TMPO: variants seen among roughly 807,000 people sequenced by gnomAD.
TMPO encodes thymopoietin.
A neutral mutation model predicts 45.4 loss-of-function variants in TMPO; 22 were observed. The observed-to-expected ratio is 0.48, with a 90% CI of 0.35 to 0.69. The LOEUF is 0.69. Ranked by LOEUF, TMPO falls within the 30% of genes least tolerant of loss-of-function variation. The pLI is 0.01. For synonymous variants in TMPO, 241 were observed against 204.1 expected (o/e 1.18, Z -1.54); for missense variants, 512 against 548.8 (o/e 0.93, Z 0.67).
intron 2 of TMPO, among the ~76,000 whole-genome samples, chr12:98,528,878 G>A (rs1876978412): frequency 6.6e-6 from 1 of 152,034 alleles, no homozygotes; most frequent in Non-Finnish European, 1.5e-5. Context: ...AGGATTGCTT[G>A]AGATGGTGGG....
At position 98,516,045 on chromosome 12, in the gene TMPO, A is replaced by G. The variant is rs758451979; in HGVS notation, c.178A>G (p.Lys60Glu). 3 of 1,611,298 alleles carry G rather than the reference A, an allele frequency of 1.9e-6. No homozygotes were observed. Among genetic ancestry groups the G allele is most frequent in the Non-Finnish European group, 2.5e-6 (3 of 1,179,536 alleles). ...GCCGCTCCCCGCCGGCACCAACAGCAAGGGGCCCCCGGACTTCTCCAGTGA... is the reference window on the plus strand; with the variant it reads ...GCCGCTCCCCGCCGGCACCAACAGCGAGGGGCCCCCGGACTTCTCCAGTGA... Reference protein sequence around the residue: ...RPPLPAGTNSKGPPDFSSDEE... With the variant: ...RPPLPAGTNSEGPPDFSSDEE... The change falls in exon 1 of 9, where the codon AAG becomes GAG. Residue 60 changes from lysine (K) to glutamate (E), a missense_variant. By Grantham distance (56) the Lys-to-Glu change is moderately conservative. Transcript: ENST00000556029.
chr12:98,536,547 T>G (rs1877577947), intron 3 of TMPO, among the ~76,000 whole-genome samples: 1 of 152,076 alleles, frequency 6.6e-6, no homozygotes, highest in South Asian at 2.1e-4. Context: ...AGAGACGGGG[T>G]TTCACCATGT....
chr12:98,519,801 ATAATTT>A lies in TMPO; in HGVS notation c.279+3659_279+3664del, dbSNP rs997809185. Among the ~76,000 whole-genome samples, 22 of 152,328 alleles carry A rather than the reference ATAATTT, an allele frequency of 1.4e-4. 1 individual carries two copies. In the East Asian group the frequency reaches 3.3e-3, roughly 23 times the overall value. On this transcript the variant is annotated intron_variant, in intron 1 of 8. Transcript: ENST00000556029. ...ATGTTTTTATCAGCCATAGGAAAAA[ATAATTT>A]TAAGTTTACAGGAAAAGAAATTTAT...
chr12:98,545,096 G>C, intron 7 of TMPO, 35 bp downstream of exon 7: 2 of 1,141,932 alleles, frequency 1.8e-6, no homozygotes, highest in Non-Finnish European at 2.6e-6. Flanking sequence ...TGCTATCATT[G>C]ATCTTTCAAA....
In TMPO at chr12:98,531,235, C is replaced by CTTTT. The variant is rs1228236045; in HGVS notation, c.407-425_407-422dup. ...GATTACAGGCATCAGCCACCACGTC[C>CTTTT]TTTTTTTTTTTTTTTTTTTTTTTAA... is the stretch of plus-strand genomic sequence containing the variant. On this transcript the variant is annotated intron_variant, in intron 2 of 8. Transcript: ENST00000556029. Among the ~76,000 whole-genome samples, 811 of 111,066 alleles carry CTTTT rather than the reference C, an allele frequency of 7.3e-3. 12 individuals carry two copies. The highest frequency in any genetic ancestry group is 0.011 in the Non-Finnish European group (615 of 55,504). 72.9% of individuals were successfully genotyped at this position (111,066 alleles called of 152,430 possible).
At position 98,515,695 on chromosome 12, in the gene TMPO, C is replaced by G. The variant is rs1373345388; in HGVS notation, c.-173C>G. On this transcript the variant is annotated 5_prime_UTR_variant, in exon 1 of 9. Transcript: ENST00000556029. ...AGTTCGGCTCTGGGGTCTTTTGTGT[C>G]CGGGTCTGGCTTGGCTTTGTGTCCG... 2 of 1,404,286 alleles carry G rather than the reference C, an allele frequency of 1.4e-6. No individual in the cohort carries two copies. Among genetic ancestry groups the G allele is most frequent in the South Asian group, 2.8e-5 (2 of 71,086 alleles). 87.0% of individuals were successfully genotyped at this position (1,404,286 alleles called of 1,614,324 possible). A position where few individuals can be genotyped will look rare whatever the true frequency, so the allele number is the denominator to read the frequency against.
intron 1 of TMPO, among the ~76,000 whole-genome samples, chr12:98,522,107 C>G (rs1224706065): frequency 6.6e-6 from 1 of 152,058 alleles, no homozygotes; most frequent in Non-Finnish European, 1.5e-5. Context: ...GATCATAGCT[C>G]ACTGCAGCCT....
chr12:98,540,535 C>T lies in TMPO; in HGVS notation c.663+2963C>T, dbSNP rs370396217. On this transcript the variant is annotated intron_variant, in intron 4 of 8. Transcript: ENST00000556029. ...CTGGGATTACAGGCATGTGCCACCA[C>T]GCCCGGCTAATTTTGTATTTTTAGT... 1.9e-4 allele frequency among the ~76,000 whole-genome samples: 29 copies of T among 152,242 alleles called. No individual in the cohort carries two copies. In the East Asian group the frequency reaches 3.9e-3, roughly 20 times the overall value.
At chr12:98,535,656 G>A in intron 3 of TMPO, 3 of 985,346 alleles carry the variant, frequency 3.0e-6, no homozygotes, top group Non-Finnish European at 3.6e-6. Flanking sequence ...CCAGAAACAT[G>A]TTGTTCTGTG....
intron 4 of TMPO, among the ~76,000 whole-genome samples, chr12:98,539,470 A>ATTTT: frequency 9.1e-6 from 1 of 109,942 alleles, no homozygotes; most frequent in Non-Finnish European, 1.9e-5. Context: ...TTTTTAAATT[A>ATTTT]CTTTTTTTTT....
At position 98,546,068 on chromosome 12, in the gene TMPO, A is replaced by T. The variant is rs192570852; in HGVS notation, c.991-291A>T. 2.1e-3 allele frequency among the ~76,000 whole-genome samples: 314 copies of T among 152,340 alleles called. 1 individual carries two copies. Among genetic ancestry groups the T allele is most frequent in the Middle Eastern group, 0.014 (4 of 294 alleles). ...CTCTTAATAGTAAAAAACAAAATCAATGAGGGAATTAGCATTGCCATGTTA... is the reference window on the plus strand; with the variant it reads ...CTCTTAATAGTAAAAAACAAAATCATTGAGGGAATTAGCATTGCCATGTTA... On this transcript the variant is annotated intron_variant, in intron 7 of 8. Transcript: ENST00000556029.
In TMPO at chr12:98,549,410, C is replaced by A. The variant is rs1405535421; in HGVS notation, c.*1552C>A. The A allele has an allele frequency of 8.0e-5, 10 of 124,490 alleles. No homozygotes were observed. In the Admixed American group the frequency reaches 8.0e-4, roughly 10 times the overall value. The allele number at this position is 124,490 out of a possible 1,614,324, so 7.7% of individuals were successfully genotyped here. Reference sequence around the variant, plus strand: ...CCCCTGACCTCAAGTGATCAGCCCACCTCAGCTTCCCAAAGTGCTGGGATT... The same window carrying A: ...CCCCTGACCTCAAGTGATCAGCCCAACTCAGCTTCCCAAAGTGCTGGGATT... On this transcript the variant is annotated 3_prime_UTR_variant, in exon 9 of 9. Transcript: ENST00000556029.
At chr12:98,521,217 C>G (rs1053353575) in intron 1 of TMPO, among the ~76,000 whole-genome samples, 1 of 149,122 alleles carries the variant, frequency 6.7e-6, no homozygotes, top group Non-Finnish European at 1.5e-5. Flanking sequence ...ACGCCATTCT[C>G]CTGCCTCAGC....
chr12:98,546,593 G>C, intron 8 of TMPO, 146 bp downstream of exon 8: 1 of 681,758 alleles, frequency 1.5e-6, no homozygotes, highest in Middle Eastern at 3.2e-4. Context: ...TGTAGTCCCA[G>C]CTACTCAAGA....
Position 98,545,073 on chromosome 12 carries a change from C to T in TMPO, c.990+12C>T, listed in dbSNP as rs534330961. Reference sequence around the variant, plus strand: ...TGACAAGAGCTGAAGTAAATGAATACAATTTAGATCGATGCTATCATTGAT... The same window carrying T: ...TGACAAGAGCTGAAGTAAATGAATATAATTTAGATCGATGCTATCATTGAT... On this transcript the variant is annotated intron_variant, in intron 7 of 8. Coordinates refer to ENST00000556029, the MANE Select transcript of TMPO (RefSeq NM_001032283.3). 2.1e-4 allele frequency: 299 copies of T among 1,448,356 alleles called. 2 individuals carry two copies. The South Asian group carries it at 2.1e-3, about 10-fold the overall frequency. The allele number at this position is 1,448,356 out of a possible 1,614,324, so 89.7% of individuals were successfully genotyped here. A position where few individuals can be genotyped will look rare whatever the true frequency, so the allele number is the denominator to read the frequency against.
chr12:98,524,663 G>A (rs1030577969), intron 1 of TMPO, among the ~76,000 whole-genome samples: 4 of 151,838 alleles, frequency 2.6e-5, no homozygotes, highest in African/African-American at 9.7e-5. Flanking sequence ...GCATGATGTC[G>A]ACTCACTGCA....
At chr12:98,536,649 C>T (rs151083743) in intron 3 of TMPO, among the ~76,000 whole-genome samples, 1 of 152,228 alleles carries the variant, frequency 6.6e-6, no homozygotes, top group East Asian at 1.9e-4. Flanking sequence ...CCATGCCCTG[C>T]CAGGGATGTT....
chr12:98,541,474 A>G (rs906771621), intron 4 of TMPO, among the ~76,000 whole-genome samples: 2 of 152,242 alleles, frequency 1.3e-5, no homozygotes, highest in African/African-American at 4.8e-5. Flanking sequence ...GTATCACAAC[A>G]TATATGTGTT....
intron 3 of TMPO, chr12:98,535,456 C>T: frequency 1.0e-6 from 1 of 985,244 alleles, no homozygotes; most frequent in Non-Finnish European, 1.2e-6. Flanking sequence ...TCCCTCTGGC[C>T]ATTACCACAT....
Sources: gnomAD v4.1 joint callset for allele counts (sites outside exome capture counted in the v4.1 genomes callset) on GRCh38, gnomAD v4.1.1 for gene constraint, MANE v1.5 for transcripts, NCBI Gene and HGNC (gene_info 2026-07-23, HGNC 2026-07-21) for gene names.